ST6GAL1: variants seen among roughly 807,000 people sequenced by gnomAD.
ST6GAL1 encodes the protein ST6 beta-galactoside alpha-2,6-sialyltransferase 1.
In ST6GAL1, 20 loss-of-function variants were observed where a neutral mutation model predicts 38.0. The observed-to-expected ratio is 0.53, with a 90% CI of 0.37 to 0.77. The LOEUF is 0.77. Ranked by LOEUF, ST6GAL1 falls within the 30% of genes least tolerant of loss-of-function variation. The probability of loss-of-function intolerance (pLI) is 0.00; values close to 1 mark genes in which losing one functional copy is unlikely to be tolerated. For missense variants in ST6GAL1, 432 were observed against 496.4 expected, an observed-to-expected ratio of 0.87 and a Z score of 1.23; for synonymous variants, 196 against 188.2, an observed-to-expected ratio of 1.04 and a Z score of -0.34.
chr3:187,063,211 T>A (rs577088019), intron 5 of ST6GAL1, among the ~76,000 whole-genome samples: 1 of 152,098 alleles, frequency 6.6e-6, no homozygotes, highest in Admixed American at 6.5e-5. Flanking sequence ...ACCCACAACA[T>A]GATGGTGGTG....
intron 5 of ST6GAL1, among the ~76,000 whole-genome samples, chr3:187,069,576 A>T (rs1299379939): frequency 6.6e-6 from 1 of 152,062 alleles, no homozygotes; most frequent in Non-Finnish European, 1.5e-5. Context: ...TCTTTACTCC[A>T]TTATTTCTTA....
At chr3:187,019,889 A>T (rs1488697328) in intron 2 of ST6GAL1, among the ~76,000 whole-genome samples, 1 of 152,258 alleles carries the variant, frequency 6.6e-6, no homozygotes, top group Non-Finnish European at 1.5e-5. Flanking sequence ...CCAGAAGGTC[A>T]ATACAGTGAT....
chr3:187,029,087 C>CAA (rs1560168369), intron 2 of ST6GAL1, among the ~76,000 whole-genome samples: 86 of 9,620 alleles, frequency 8.9e-3, no homozygotes, highest in African/African-American at 0.02. Context: ...GACCTTGTCT[C>CAA]TAAAAAAAAA....
intron 1 of ST6GAL1, among the ~76,000 whole-genome samples, chr3:186,946,660 T>C (rs976026626): frequency 6.6e-6 from 1 of 152,226 alleles, no homozygotes; most frequent in Non-Finnish European, 1.5e-5. Flanking sequence ...TACTAATTCA[T>C]TTATTTTTTC....
At chr3:186,998,679 A>G (rs1410643691) in intron 2 of ST6GAL1, among the ~76,000 whole-genome samples, 1 of 152,210 alleles carries the variant, frequency 6.6e-6, no homozygotes, top group Non-Finnish European at 1.5e-5. Flanking sequence ...ATTTAACTCA[A>G]TATATTCAAA....
intron 2 of ST6GAL1, among the ~76,000 whole-genome samples, chr3:186,977,641 G>A (rs977339221): frequency 2.0e-5 from 3 of 152,158 alleles, no homozygotes; most frequent in South Asian, 4.1e-4. Context: ...TCAGTCTCAC[G>A]CAGGAGACAC....
chr3:186,970,447 T>C (rs1189015132), intron 2 of ST6GAL1, among the ~76,000 whole-genome samples: 1 of 151,586 alleles, frequency 6.6e-6, no homozygotes, highest in Non-Finnish European at 1.5e-5. Flanking sequence ...ATGGTCTCTG[T>C]CTCCTGATCT....
chr3:186,944,305 T>TA (rs1432122602), intron 1 of ST6GAL1, among the ~76,000 whole-genome samples: 2 of 152,100 alleles, frequency 1.3e-5, no homozygotes, highest in Non-Finnish European at 2.9e-5. Flanking sequence ...GAACGTGGGG[T>TA]AATGGGCCTT....
chr3:187,034,678 G>T (rs1717867228), intron 2 of ST6GAL1, among the ~76,000 whole-genome samples: 2 of 152,072 alleles, frequency 1.3e-5, no homozygotes, highest in Admixed American at 1.3e-4. Flanking sequence ...AATAGATGCA[G>T]AAAAAGATTT....
rs966483212 is a variant in ST6GAL1 at position 187,008,818 on chromosome 3, T to C, written c.-182-29924T>C. Among the ~76,000 whole-genome samples, 4 of 152,240 alleles carry C rather than the reference T, an allele frequency of 2.6e-5. No homozygotes were observed. The East Asian group carries it at 7.7e-4, about 29-fold the overall frequency. On this transcript the variant is annotated intron_variant, in intron 2 of 7. Coordinates refer to ENST00000169298, the MANE Select transcript of ST6GAL1 (RefSeq NM_173216.2). The stretch of plus-strand genomic sequence containing the variant: ...AGATTTATTTCCTTTAAGTCTTTTT[T>C]TTCTGTGAATATGCGTTTCTCTTTT...
At chr3:187,073,674 T>C (rs939223904) in intron 6 of ST6GAL1, 30 of 153,704 alleles carry the variant, frequency 2.0e-4, no homozygotes, top group Non-Finnish European at 4.1e-4. Context: ...AAGTTGGATC[T>C]ACCAATGCCT....
At chr3:187,005,315 G>A (rs1716749709) in intron 2 of ST6GAL1, among the ~76,000 whole-genome samples, 1 of 124,690 alleles carries the variant, frequency 8.0e-6, no homozygotes, top group South Asian at 2.5e-4. Flanking sequence ...TCGCTGTTTC[G>A]CCCAGGCTGG....
At chr3:186,977,622 A>G in intron 2 of ST6GAL1, among the ~76,000 whole-genome samples, 1 of 152,184 alleles carries the variant, frequency 6.6e-6, no homozygotes, top group African/African-American at 2.4e-5. Flanking sequence ...GCAACTTGGA[A>G]GGAACTGATC....
chr3:187,063,589 A>AGGAGAGG (rs1718994205), intron 5 of ST6GAL1, among the ~76,000 whole-genome samples: 1 of 152,182 alleles, frequency 6.6e-6, no homozygotes, highest in Non-Finnish European at 1.5e-5. Context: ...AGCAGCAAAG[A>AGGAGAGG]GGAGAGGGGA....
chr3:187,014,871 TG>T (rs1273871550), intron 2 of ST6GAL1, among the ~76,000 whole-genome samples: 7 of 152,246 alleles, frequency 4.6e-5, no homozygotes, highest in Admixed American at 4.6e-4. Context: ...GGAGGCATTT[TG>T]TTCTTGCTTG....
intron 5 of ST6GAL1, chr3:187,064,573 A>G (rs1457822676): frequency 2.2e-6 from 1 of 456,628 alleles, no homozygotes; most frequent in South Asian, 1.5e-5. Flanking sequence ...ACTTCCCGGG[A>G]TACACTACCC....
intron 5 of ST6GAL1, among the ~76,000 whole-genome samples, chr3:187,065,062 G>A (rs185342016): frequency 3.5e-4 from 53 of 150,860 alleles, no homozygotes; most frequent in Non-Finnish European, 2.5e-4. Context: ...GAGTGCAGTG[G>A]TGCACTCTCG....
At chr3:186,931,516 G>C (rs1294104448) in intron 1 of ST6GAL1, 2 of 152,402 alleles carry the variant, frequency 1.3e-5, no homozygotes, top group Non-Finnish European at 2.9e-5. Context: ...TCTTTTGGGT[G>C]AAGTGGACCA....
At chr3:187,074,960 T>A (rs530125519) in intron 7 of ST6GAL1, among the ~76,000 whole-genome samples, 2 of 152,326 alleles carry the variant, frequency 1.3e-5, no homozygotes, top group South Asian at 4.1e-4. Context: ...GCAGAGTTTA[T>A]TGGAACAATG....
Sources: gnomAD v4.1 joint callset for allele counts (sites outside exome capture counted in the v4.1 genomes callset) on GRCh38, gnomAD v4.1.1 for gene constraint, MANE v1.5 for transcripts, NCBI Gene and HGNC (gene_info 2026-07-23, HGNC 2026-07-21) for gene names.